The following TPD52 variants were observed in gnomAD, a reference collection of about 807,000 sequenced individuals.
TPD52 encodes prostate and colon associated protein.
A neutral mutation model predicts 31.3 loss-of-function variants in TPD52; 17 were observed. The ratio of observed to expected loss-of-function variants is 0.54; its 90% CI spans 0.37 to 0.82. The LOEUF (loss-of-function observed/expected upper bound fraction) is 0.82, where lower values mean the gene tolerates loss of function less well. Among genes scored for constraint, TPD52 ranks in the 40% least tolerant of loss-of-function variants. TPD52 has a pLI of 0.00. For missense variants in TPD52, 212 were observed against 240.1 expected, an observed-to-expected ratio of 0.88 and a Z score of 0.77; for synonymous variants, 83 against 89.6, an observed-to-expected ratio of 0.93 and a Z score of 0.42.
intron 1 of TPD52, among the ~76,000 whole-genome samples, chr8:80,086,173 A>G (rs1333559063): frequency 7.9e-6 from 1 of 126,818 alleles, no homozygotes; most frequent in South Asian, 2.5e-4. Flanking sequence ...GCTGGAGTGC[A>G]GTGTCGTGAT....
Position 80,038,046 on chromosome 8 carries a change from A to C in TPD52, c.*70T>G, listed in dbSNP as rs959948918. The stretch of plus-strand genomic sequence containing the variant: ...ATCTGGTAGAAATTCATGGCAATGC[A>C]TGTTGACAAGATGTGCTTGGACCTC... On this transcript the variant is annotated 3_prime_UTR_variant, in exon 8 of 8. Coordinates refer to ENST00000518937, the MANE Select transcript of TPD52 (RefSeq NM_001025253.3). The C allele has an allele frequency of 1.9e-6, 3 of 1,576,034 alleles. No individual in the cohort carries two copies. The Admixed American group carries it at 5.4e-5, about 28-fold the overall frequency.
chr8:80,102,261 A>G (rs1018297913), intron 1 of TPD52, among the ~76,000 whole-genome samples: 1 of 152,170 alleles, frequency 6.6e-6, no homozygotes, highest in Non-Finnish European at 1.5e-5. Context: ...CTTGCTTCCA[A>G]GCTCACTCAC....
chr8:80,161,733 T>TATATATATA (rs1491187742), intron 1 of TPD52, among the ~76,000 whole-genome samples: 16 of 28,800 alleles, frequency 5.6e-4, no homozygotes, highest in African/African-American at 2.6e-3. Context: ...TATATATATA[T>TATATATATA]TTTTTTTTTT....
intron 1 of TPD52, among the ~76,000 whole-genome samples, chr8:80,114,193 C>T (rs533328020): frequency 2.0e-5 from 3 of 152,188 alleles, no homozygotes; most frequent in East Asian, 3.9e-4. Context: ...GAGTGAAGAT[C>T]GTGCCACTGC....
At chr8:80,123,448 C>G (rs971984224) in intron 1 of TPD52, among the ~76,000 whole-genome samples, 1 of 152,174 alleles carries the variant, frequency 6.6e-6, no homozygotes, top group Non-Finnish European at 1.5e-5. Context: ...ATATTCCAGC[C>G]GGGCACAACA....
At position 80,128,494 on chromosome 8, in the gene TPD52, C is replaced by CAAAAA. The variant is rs3053828; in HGVS notation, c.19+42926_19+42930dup. Among the ~76,000 whole-genome samples the CAAAAA allele has an allele frequency of 7.7e-4, 64 of 83,124 alleles. 4 individuals carry two copies. Among genetic ancestry groups the CAAAAA allele is most frequent in the East Asian group, 1.3e-3 (4 of 3,130 alleles). 54.5% of individuals were successfully genotyped at this position (83,124 alleles called of 152,430 possible). ...GCAACACAAGGAGACCCTGTCTCTA[C>CAAAAA]AAAAAAAAAAAAAAAAAATGCTGGG... On this transcript the variant is annotated intron_variant, in intron 1 of 7. Coordinates refer to ENST00000518937, the MANE Select transcript of TPD52 (RefSeq NM_001025253.3).
intron 1 of TPD52, among the ~76,000 whole-genome samples, chr8:80,110,340 C>T (rs1359646200): frequency 2.0e-5 from 3 of 151,924 alleles, no homozygotes; most frequent in Admixed American, 6.6e-5. Flanking sequence ...CAGATTGTCT[C>T]ACTGTGATTA....
rs200218765 is a variant in TPD52, at chr8:80,061,377, G to GC, written c.135+3100dup. Among the ~76,000 whole-genome samples, 88 of 80,166 alleles carry GC rather than the reference G, an allele frequency of 1.1e-3. 5 individuals are homozygous for GC. Among genetic ancestry groups the GC allele is most frequent in the South Asian group, 4.5e-3 (9 of 2,006 alleles). 52.6% of individuals were successfully genotyped at this position (80,166 alleles called of 152,430 possible). On this transcript the variant is annotated intron_variant, in intron 2 of 7. Coordinates refer to ENST00000518937, the MANE Select transcript of TPD52 (RefSeq NM_001025253.3). The stretch of plus-strand genomic sequence containing the variant: ...GAAACTCCATACCTTCCCCCCCACC[G>GC]CCCCCCCCAAAAAAAAAAGAATCCA...
At chr8:80,079,068 G>A (rs1814926042) in intron 1 of TPD52, among the ~76,000 whole-genome samples, 1 of 152,162 alleles carries the variant, frequency 6.6e-6, no homozygotes, top group Admixed American at 6.5e-5. Context: ...TCCCCCGCAA[G>A]TCACTTGAGT....
At chr8:80,153,203 G>GA (rs1414981855) in intron 1 of TPD52, among the ~76,000 whole-genome samples, 2 of 152,146 alleles carry the variant, frequency 1.3e-5, no homozygotes, top group African/African-American at 2.4e-5. Flanking sequence ...TCAAGTGCAG[G>GA]AAAATACGAA....
intron 7 of TPD52, among the ~76,000 whole-genome samples, chr8:80,041,865 G>A (rs1467808227): frequency 3.3e-5 from 5 of 152,140 alleles, no homozygotes; most frequent in South Asian, 2.1e-4. Flanking sequence ...CGAGGCGGGC[G>A]GATCACGAGG....
At chr8:80,049,788 C>CT (rs987009703) in intron 5 of TPD52, among the ~76,000 whole-genome samples, 31 of 152,132 alleles carry the variant, frequency 2.0e-4, no homozygotes, top group African/African-American at 6.3e-4. Context: ...TTTTAATGTG[C>CT]TTTTTTTAGC....
intron 1 of TPD52, among the ~76,000 whole-genome samples, chr8:80,134,422 C>A (rs1809246603): frequency 6.6e-6 from 1 of 152,198 alleles, no homozygotes; most frequent in South Asian, 2.1e-4. Flanking sequence ...TTGAGTCACA[C>A]AATAATTCTC....
At chr8:80,053,185 G>A in intron 3 of TPD52, 97 bp downstream of exon 3, 8 of 1,346,568 alleles carry the variant, frequency 5.9e-6, no homozygotes, top group Non-Finnish European at 7.9e-6. Flanking sequence ...AAAAGCTGCT[G>A]AAGCATCCTT....
At chr8:80,113,933 G>A (rs10096977) in intron 1 of TPD52, among the ~76,000 whole-genome samples, 98,455 of 152,034 alleles carry the variant, frequency 0.65, 33,471 homozygotes, top group African/African-American at 0.87. Context: ...TATGTGTCAA[G>A]TAAAAATAAG....
chr8:80,113,407 T>C (rs2130990824), intron 1 of TPD52, among the ~76,000 whole-genome samples: 1 of 152,214 alleles, frequency 6.6e-6, no homozygotes, highest in Non-Finnish European at 1.5e-5. Context: ...AGAATGACCA[T>C]ATGATCTACC....
chr8:80,050,314 A>G, intron 5 of TPD52, 131 bp downstream of exon 5: 2 of 788,838 alleles, frequency 2.5e-6, no homozygotes, highest in Non-Finnish European at 3.8e-6. Flanking sequence ...CACTAGAGAA[A>G]AAGATACTCT....
intron 1 of TPD52, among the ~76,000 whole-genome samples, chr8:80,110,450 TG>T (rs1292448724): frequency 6.6e-6 from 1 of 152,184 alleles, no homozygotes; most frequent in Non-Finnish European, 1.5e-5. Context: ...CTAGCCATGA[TG>T]GTGACAGAGA....
intron 1 of TPD52, among the ~76,000 whole-genome samples, chr8:80,071,478 C>T (rs1032054763): frequency 3.9e-5 from 6 of 152,106 alleles, no homozygotes; most frequent in Admixed American, 6.5e-5. Context: ...TACTCTTCAA[C>T]CCCCTGCAAC....
Sources: allele counts gnomAD v4.1 joint callset (sites outside exome capture counted in the v4.1 genomes callset), GRCh38; gene constraint gnomAD v4.1.1; transcripts MANE v1.5; gene names NCBI Gene and HGNC (gene_info 2026-07-23, HGNC 2026-07-21).